The following ZNF704 variants were observed in gnomAD, a reference collection of about 807,000 sequenced individuals.
ZNF704 encodes zinc finger protein 704, also known as glucocorticoid induced gene 1.
In ZNF704, 10 loss-of-function variants were observed where a neutral mutation model predicts 44.7. The ratio of observed to expected loss-of-function variants is 0.22; its 90% CI spans 0.14 to 0.38. ZNF704 has a LOEUF of 0.38. Ranked by LOEUF, ZNF704 falls within the 10% of genes least tolerant of loss-of-function variation. ZNF704 has a pLI of 1.00. For synonymous variants in ZNF704, 211 were observed against 207.6 expected (o/e 1.02, Z -0.14); for missense variants, 390 against 545.5 (o/e 0.71, Z 2.84).
At chr8:80,678,125 G>C (rs1233174049) in intron 4 of ZNF704, among the ~76,000 whole-genome samples, 2 of 152,114 alleles carry the variant, frequency 1.3e-5, no homozygotes, top group Non-Finnish European at 2.9e-5. Flanking sequence ...TCTGCTGTAG[G>C]AAAAATTACT....
intron 2 of ZNF704, among the ~76,000 whole-genome samples, chr8:80,791,808 T>A (rs1807713177): frequency 6.6e-6 from 1 of 152,098 alleles, no homozygotes; most frequent in Non-Finnish European, 1.5e-5. Context: ...AAGGAAGTGA[T>A]GAGTTCAGCC....
At chr8:80,821,841 A>G (rs2129883300) in intron 1 of ZNF704, among the ~76,000 whole-genome samples, 1 of 152,350 alleles carries the variant, frequency 6.6e-6, no homozygotes, top group African/African-American at 2.4e-5. Flanking sequence ...AAACACACAA[A>G]AAAATGCCTC....
At chr8:80,839,728 C>G (rs1169156609) in intron 1 of ZNF704, among the ~76,000 whole-genome samples, 2 of 152,142 alleles carry the variant, frequency 1.3e-5, no homozygotes, top group Non-Finnish European at 2.9e-5. Flanking sequence ...TGATAGATGA[C>G]TGTAGGGGGA....
At chr8:80,715,795 C>T (rs892692155) in intron 2 of ZNF704, among the ~76,000 whole-genome samples, 1 of 152,114 alleles carries the variant, frequency 6.6e-6, no homozygotes, top group Non-Finnish European at 1.5e-5. Flanking sequence ...ATTATTGAGT[C>T]TGGGCTGGGC....
At chr8:80,822,120 A>G (rs1808283012) in intron 1 of ZNF704, among the ~76,000 whole-genome samples, 1 of 152,098 alleles carries the variant, frequency 6.6e-6, no homozygotes, top group South Asian at 2.1e-4. Context: ...TTATTAATTT[A>G]TTTTAATTTT....
At chr8:80,715,242 A>G (rs1189311853) in intron 2 of ZNF704, among the ~76,000 whole-genome samples, 2 of 152,214 alleles carry the variant, frequency 1.3e-5, no homozygotes, top group African/African-American at 4.8e-5. Flanking sequence ...ATGTGAATTA[A>G]ATTATTGCCC....
At chr8:80,842,698 A>G (rs996865929) in intron 1 of ZNF704, among the ~76,000 whole-genome samples, 1 of 152,178 alleles carries the variant, frequency 6.6e-6, no homozygotes, top group Non-Finnish European at 1.5e-5. Context: ...AGTAAGCCCA[A>G]TGGGGAGCCA....
At chr8:80,825,896 A>G (rs570090471) in intron 1 of ZNF704, among the ~76,000 whole-genome samples, 11 of 152,326 alleles carry the variant, frequency 7.2e-5, no homozygotes, top group Admixed American at 5.9e-4. Context: ...AAGACACCAC[A>G]TACAAGAACC....
chr8:80,661,623 T>C (rs1163940451), intron 6 of ZNF704, among the ~76,000 whole-genome samples: 1 of 152,150 alleles, frequency 6.6e-6, no homozygotes, highest in Admixed American at 6.5e-5. Flanking sequence ...AAAAGAATGA[T>C]ATCCTGTCAT....
chr8:80,668,241 GC>G (rs1226490974), intron 5 of ZNF704, among the ~76,000 whole-genome samples: 1 of 152,148 alleles, frequency 6.6e-6, no homozygotes, highest in Non-Finnish European at 1.5e-5. Flanking sequence ...CCTCACTGCA[GC>G]AGCAGCAGCA....
upstream of ZNF704, among the ~76,000 whole-genome samples, chr8:80,878,320 G>A (rs1309993283): frequency 6.6e-6 from 1 of 151,180 alleles, no homozygotes; most frequent in Non-Finnish European, 1.5e-5. Context: ...AAGAAAATCA[G>A]GCTCAATTTG....
In ZNF704 at chr8:80,674,667, T is replaced by G. The variant is rs116163707; in HGVS notation, c.559-4064A>C. Among the ~76,000 whole-genome samples, 892 of 152,240 alleles carry G rather than the reference T, an allele frequency of 5.9e-3. 10 individuals are homozygous for G. The highest frequency in any genetic ancestry group is 0.021 in the African/African-American group (866 of 41,542). ...GCCATTCAAGAGGGATGCACCCCAA[T>G]GACCCAAACACCTCCCACTAGGCCC... On this transcript the variant is annotated intron_variant, in intron 4 of 8. Coordinates refer to ENST00000327835, the MANE Select transcript of ZNF704 (RefSeq NM_001033723.3).
intron 3 of ZNF704, among the ~76,000 whole-genome samples, chr8:80,689,163 TA>T (rs1415602768): frequency 1.3e-5 from 2 of 152,094 alleles, no homozygotes; most frequent in African/African-American, 4.8e-5. Flanking sequence ...AATGCCTCAT[TA>T]AAAAAATACT....
chr8:80,806,672 G>A (rs1807995801), intron 2 of ZNF704, among the ~76,000 whole-genome samples: 3 of 152,158 alleles, frequency 2.0e-5, no homozygotes, highest in Admixed American at 6.5e-5. Flanking sequence ...AGGACCAAAT[G>A]GAGCTTCAAC....
intron 2 of ZNF704, among the ~76,000 whole-genome samples, chr8:80,820,149 A>T (rs1808244947): frequency 6.6e-6 from 1 of 152,208 alleles, no homozygotes; most frequent in African/African-American, 2.4e-5. Flanking sequence ...TTTTCATCTG[A>T]CAAATATTCA....
chr8:80,800,022 A>G (rs1807872516), intron 2 of ZNF704, among the ~76,000 whole-genome samples: 1 of 152,202 alleles, frequency 6.6e-6, no homozygotes, highest in South Asian at 2.1e-4. Flanking sequence ...TCACAATGCA[A>G]TCATAAGTAT....
intron 2 of ZNF704, among the ~76,000 whole-genome samples, chr8:80,704,785 G>A (rs1818870391): frequency 1.3e-5 from 2 of 152,150 alleles, no homozygotes; most frequent in African/African-American, 2.4e-5. Flanking sequence ...CCCACATGCT[G>A]TGCCCTACAC....
chr8:80,688,754 T>C (rs1289959670), intron 3 of ZNF704, among the ~76,000 whole-genome samples: 1 of 152,184 alleles, frequency 6.6e-6, no homozygotes, highest in East Asian at 1.9e-4. Context: ...AGTTAGAATG[T>C]CTTCTGCCAG....
chr8:80,843,941 GTGTATGTATATA>G (rs1182856428), intron 1 of ZNF704, among the ~76,000 whole-genome samples: 1 of 147,546 alleles, frequency 6.8e-6, no homozygotes, highest in Non-Finnish European at 1.5e-5. Flanking sequence ...ATATATATAT[GTGTATGTATATA>G]TATGTGTATA....
Sources: gnomAD v4.1 joint callset for allele counts (sites outside exome capture counted in the v4.1 genomes callset) on GRCh38, gnomAD v4.1.1 for gene constraint, MANE v1.5 for transcripts, NCBI Gene and HGNC (gene_info 2026-07-23, HGNC 2026-07-21) for gene names.